FAT2: variants seen among roughly 807,000 people sequenced by gnomAD.
FAT2 encodes the protein protocadherin Fat 2.
A neutral mutation model predicts 295.3 loss-of-function variants in FAT2; 150 were observed. The observed-to-expected ratio is 0.51, with a 90% CI of 0.44 to 0.58. The LOEUF is 0.58. Ranked by LOEUF, FAT2 falls within the 20% of genes least tolerant of loss-of-function variation. The pLI is 0.00. For synonymous variants in FAT2, 2,026 were observed against 2,150.3 expected (o/e 0.94, Z 1.60); for missense variants, 4,868 against 5,442.7 (o/e 0.89, Z 3.32).
intron 13 of FAT2, 152 bp downstream of exon 13, chr5:151,534,257 T>C: frequency 1.7e-6 from 1 of 571,634 alleles, no homozygotes. Flanking sequence ...GTGTGCAGTT[T>C]GAGGATAAAT....
At chr5:151,588,816 G>A (rs1170838057) in intron 1 of FAT2, among the ~76,000 whole-genome samples, 1 of 152,190 alleles carries the variant, frequency 6.6e-6, no homozygotes, top group East Asian at 1.9e-4. Flanking sequence ...TTTGATGACT[G>A]TGAACATAAT....
At chr5:151,565,214 A>G (rs933190135) in intron 2 of FAT2, among the ~76,000 whole-genome samples, 6 of 152,204 alleles carry the variant, frequency 3.9e-5, no homozygotes, top group Admixed American at 3.3e-4. Flanking sequence ...TCTTGATATT[A>G]TATGACATGA....
chr5:151,560,117 CCT>C (rs1757957437), intron 3 of FAT2, among the ~76,000 whole-genome samples: 1 of 152,136 alleles, frequency 6.6e-6, no homozygotes, highest in African/African-American at 2.4e-5. Context: ...CTCCTCTTAC[CCT>C]GAGTCACCAC....
At position 151,565,779 on chromosome 5, in the gene FAT2, C is replaced by T. The variant is rs1227248195; in HGVS notation, c.3153G>A (p.Val1051=). 6.2e-7 allele frequency: 1 copy of T among 1,613,914 alleles called. No individual in the cohort carries two copies. Among genetic ancestry groups the T allele is most frequent in the African/African-American group, 1.3e-5 (1 of 74,874 alleles). The part of the protein sequence containing the change: ...VQENSPSGTQ[V]IVVAAQDDDS... ...CATCGTCCTGGGCAGCCACTACAAT[C>T]ACCTGAGTTCCCGAGGGGCTGTTCT... Residue 1051 remains valine, a synonymous_variant, in exon 2 of 24, where the codon GTG becomes GTA. Coordinates refer to ENST00000261800, the MANE Select transcript of FAT2 (RefSeq NM_001447.3).
chr5:151,550,827 CTG>C lies in FAT2; in HGVS notation c.4339_4340del (p.Gln1447ValfsTer7), dbSNP rs1489584246. The C allele has an allele frequency of 1.2e-6, 2 of 1,613,742 alleles. No individual in the cohort carries two copies. Among genetic ancestry groups the C allele is most frequent in the South Asian group, 2.2e-5 (2 of 91,060 alleles). On this transcript the variant is annotated frameshift_variant, in exon 8 of 24. Transcript: ENST00000261800. LOFTEE classifies it high-confidence loss of function. ...MIANINHHRP[Q>X]FLETRYEVRV... ...TGACTTCATAACGAGTTTCCAGAAA[CTG>C]GGGCCGATGGTGGTTAATGTTGGCA... is the stretch of plus-strand genomic sequence containing the variant.
rs377734391 is a variant in FAT2 at position 151,545,707 on chromosome 5, G to A, written c.5420C>T (p.Pro1807Leu). 261 of 1,613,948 alleles carry A rather than the reference G, an allele frequency of 1.6e-4. 1 individual carries two copies. Among genetic ancestry groups the A allele is most frequent in the Admixed American group, 2.8e-4 (17 of 59,996 alleles). The change falls in exon 10 of 24, where the codon CCG becomes CTG. Residue 1807 changes from proline to leucine, a missense_variant. By Grantham distance (98) the Pro-to-Leu change is moderately conservative. Around this residue, in one of 5 missense-constraint regions of FAT2, gnomAD observed 3,297 missense variants for 3,669.4 expected, o/e 0.90. Coordinates refer to ENST00000261800, the MANE Select transcript of FAT2 (RefSeq NM_001447.3). ...AATTTTGAAAAACTTCAAGGCCTCC[G>A]GCTCCAAAATTTTATAGACCAACAA... Reference protein sequence around the residue: ...NSLLVYKILEPEALKFFKIDP... With the variant: ...NSLLVYKILELEALKFFKIDP...
rs2127570979 is a variant in FAT2 at position 151,512,602 on chromosome 5, G to A, written c.11468C>T (p.Ala3823Val). 6.3e-7 allele frequency: 1 copy of A among 1,598,224 alleles called. No individual in the cohort carries two copies. The highest frequency in any genetic ancestry group is 8.5e-7 in the Non-Finnish European group (1 of 1,170,672). ...GTATTCCAGCTGGGGCACTCCACTGGCCAGCTGCAAAGGAAATCCAAACAG... is the reference window on the plus strand; with the variant it reads ...GTATTCCAGCTGGGGCACTCCACTGACCAGCTGCAAAGGAAATCCAAACAG... ...NETASVSLKL[A>V]SGVPQLEYHC... Residue 3823 changes from alanine to valine, a missense_variant, in exon 21 of 24, where the codon GCC (alanine) becomes GTC (valine). Physicochemically the swap from Ala to Val is moderately conservative, Grantham distance 64 (BLOSUM62 0). Coordinates refer to ENST00000261800, the MANE Select transcript of FAT2 (RefSeq NM_001447.3). The surrounding 1 kb of genome is among the most constrained non-coding windows in gnomAD (Gnocchi z 4.1).
chr5:151,566,843 C>T lies in FAT2; in HGVS notation c.2089G>A (p.Glu697Lys), dbSNP rs962334925. ...TATGTGCTTAAAGAAGTGAATTCCTCATCACTGGACTCCTGGTTCTGAAGC... is the reference window on the plus strand; with the variant it reads ...TATGTGCTTAAAGAAGTGAATTCCTTATCACTGGACTCCTGGTTCTGAAGC... ...IGLQNQESSD[E>K]EFTSLSTYQI... Residue 697 changes from glutamate (E) to lysine (K), a missense_variant, in exon 2 of 24, where the codon GAG (glutamate) becomes AAG (lysine). Around this residue, in one of 5 missense-constraint regions of FAT2, gnomAD observed 3,297 missense variants for 3,669.4 expected, o/e 0.90. Coordinates refer to ENST00000261800, the MANE Select transcript of FAT2 (RefSeq NM_001447.3). 2 of 1,614,152 alleles carry T rather than the reference C, an allele frequency of 1.2e-6. No homozygotes were observed. The highest frequency in any genetic ancestry group is 3.3e-5 in the Admixed American group (2 of 60,034).
Position 151,505,525 on chromosome 5 carries a change from G to A in FAT2, c.*40C>T, listed in dbSNP as rs1203787483. ...GACAGGAAGAAATAAGCCAAGTCCA[G>A]TCCTTGGCCTCCCGCCTGCCTTGCT... On this transcript the variant is annotated 3_prime_UTR_variant, in exon 24 of 24. Transcript: ENST00000261800. The A allele has an allele frequency of 3.1e-6, 5 of 1,612,094 alleles. No individual in the cohort carries two copies. Among genetic ancestry groups the A allele is most frequent in the Non-Finnish European group, 2.5e-6 (3 of 1,179,284 alleles).
chr5:151,512,025 C>T lies in FAT2; in HGVS notation c.11905+140G>A. 1 of 723,670 alleles carries T rather than the reference C, an allele frequency of 1.4e-6. No individual in the cohort carries two copies. The highest frequency in any genetic ancestry group is 2.3e-6 in the Non-Finnish European group (1 of 436,068). The allele number at this position is 723,670 out of a possible 1,614,324, so 44.8% of individuals were successfully genotyped here. ...CCCCTAGTCTAGATATTGCAGATTCCAACCTGTTACTCACAAGTTAGGGGA... is the reference window on the plus strand; with the variant it reads ...CCCCTAGTCTAGATATTGCAGATTCTAACCTGTTACTCACAAGTTAGGGGA... On this transcript the variant is annotated intron_variant, in intron 21 of 23. Transcript: ENST00000261800. This position sits in a 1 kb window ranked among gnomAD's most constrained non-coding sequence, Gnocchi z 4.1.
At position 151,538,088 on chromosome 5, in the gene FAT2, C is replaced by T. The variant is rs896008362; in HGVS notation, c.9040-142G>A. ...AGACGAAGAGAGACAGAAAAAAGAACAGAGACAGAGAGAGAGAAAGAGAAG... is the reference window on the plus strand; with the variant it reads ...AGACGAAGAGAGACAGAAAAAAGAATAGAGACAGAGAGAGAGAAAGAGAAG... On this transcript the variant is annotated intron_variant, in intron 11 of 23. Transcript: ENST00000261800. 4.9e-6 allele frequency: 3 copies of T among 608,954 alleles called. No homozygotes were observed. In the African/African-American group the frequency reaches 5.5e-5, roughly 11 times the overall value. The allele number at this position is 608,954 out of a possible 1,614,324, so 37.7% of individuals were successfully genotyped here. A position where few individuals can be genotyped will look rare whatever the true frequency, so the allele number is the denominator to read the frequency against.
chr5:151,550,787 T>C lies in FAT2; in HGVS notation c.4381A>G (p.Thr1461Ala). 1 of 1,613,984 alleles carries C rather than the reference T, an allele frequency of 6.2e-7. No homozygotes were observed. The change falls in exon 8 of 24, where the codon ACC (threonine) becomes GCC (alanine). Residue 1461 changes from threonine (T) to alanine (A), a missense_variant. Physicochemically the swap from Thr to Ala is moderately conservative, Grantham distance 58. Coordinates refer to ENST00000261800, the MANE Select transcript of FAT2 (RefSeq NM_001447.3). Reference protein sequence around the residue: ...TRYEVRVPQDTVPGVELLRVQ... With the variant: ...TRYEVRVPQDAVPGVELLRVQ... ...CGCAGGAGCTCTACCCCTGGCACGG[T>C]GTCCTGGGGAACTCTGACTTCATAA...
chr5:151,518,006 G>A (rs1483007477), intron 19 of FAT2, among the ~76,000 whole-genome samples: 1 of 152,080 alleles, frequency 6.6e-6, no homozygotes, highest in Non-Finnish European at 1.5e-5. Context: ...GTCCCAGGCT[G>A]GGTCAAGAAA....
At chr5:151,591,831 C>G (rs570437290), upstream of FAT2, among the ~76,000 whole-genome samples, 1 of 152,222 alleles carries the variant, frequency 6.6e-6, no homozygotes, top group South Asian at 2.1e-4. Flanking sequence ...AATAATAGCT[C>G]CTACCTCATA....
chr5:151,529,055 T>A, intron 15 of FAT2, 123 bp downstream of exon 15: 1 of 777,514 alleles, frequency 1.3e-6, no homozygotes, highest in Non-Finnish European at 2.1e-6. Context: ...CAAGTCAGAG[T>A]CAAGTCTACA....
upstream of FAT2, among the ~76,000 whole-genome samples, chr5:151,591,607 A>G (rs1759409402): frequency 6.6e-6 from 1 of 150,752 alleles, no homozygotes; most frequent in Admixed American, 6.6e-5. Flanking sequence ...CCACAAGGGA[A>G]CTAGAAAAGG....
At chr5:151,588,284 A>G (rs1199756518) in intron 1 of FAT2, among the ~76,000 whole-genome samples, 1 of 152,200 alleles carries the variant, frequency 6.6e-6, no homozygotes, top group Non-Finnish European at 1.5e-5. Context: ...ACTGGCCTTC[A>G]AGACTGATCT....
At chr5:151,517,829 C>G in intron 19 of FAT2, 64 bp from the exon 20 acceptor site, 1 of 1,581,132 alleles carries the variant, frequency 6.3e-7, no homozygotes, top group Non-Finnish European at 8.6e-7. Context: ...CTTGGACTGA[C>G]TTTGTCTTAT....
intron 13 of FAT2, among the ~76,000 whole-genome samples, chr5:151,533,617 C>A (rs1040519072): frequency 6.6e-6 from 1 of 152,124 alleles, no homozygotes; most frequent in African/African-American, 2.4e-5. Flanking sequence ...CTTTTATCAT[C>A]ATCATTTTCC....
Sources: allele counts gnomAD v4.1 joint callset (sites outside exome capture counted in the v4.1 genomes callset), GRCh38; gene constraint gnomAD v4.1.1; regional missense constraint gnomAD v4.1.1; non-coding constraint Gnocchi (gnomAD v3.1); transcripts MANE v1.5; gene names NCBI Gene and HGNC (gene_info 2026-07-23, HGNC 2026-07-21).